Variants in MACROD2 observed in about 807,000 individuals in gnomAD.
MACROD2 encodes ADP-ribose glycohydrolase MACROD2.
A neutral mutation model predicts 70.4 loss-of-function variants in MACROD2; 36 were observed. The observed-to-expected ratio is 0.51, with a 90% confidence interval of 0.39 to 0.68. The LOEUF (loss-of-function observed/expected upper bound fraction) is 0.68, where lower values mean the gene tolerates loss of function less well. Among genes scored for constraint, MACROD2 ranks in the 30% least tolerant of loss-of-function variants. The pLI is 0.00. For synonymous variants in MACROD2, 172 were observed against 178.8 expected (o/e 0.96, Z 0.30); for missense variants, 496 against 538.4 (o/e 0.92, Z 0.78).
chr20:14,170,381 G>A (rs940953279), intron 3 of MACROD2, among the ~76,000 whole-genome samples: 7 of 152,164 alleles, frequency 4.6e-5, no homozygotes, highest in African/African-American at 1.4e-4. Flanking sequence ...CCAGTACTAT[G>A]TTGAATATAG....
intron 4 of MACROD2, among the ~76,000 whole-genome samples, chr20:14,609,813 T>C (rs1222353014): frequency 6.6e-6 from 1 of 152,034 alleles, no homozygotes; most frequent in Admixed American, 6.6e-5. Context: ...CTGTCTGGGG[T>C]CATGGGCTGT....
intron 6 of MACROD2, among the ~76,000 whole-genome samples, chr20:15,245,234 G>T (rs764142184): frequency 2.0e-5 from 3 of 152,098 alleles, no homozygotes; most frequent in Non-Finnish European, 4.4e-5. Context: ...CAGGTTAATG[G>T]TTGATTTCTT....
At chr20:15,498,910 G>C (rs577625631) in intron 7 of MACROD2, among the ~76,000 whole-genome samples, 17 of 152,298 alleles carry the variant, frequency 1.1e-4, no homozygotes, top group African/African-American at 4.1e-4. Flanking sequence ...AAGGTGATGG[G>C]ATTTGGTGAT....
At chr20:15,892,657 A>G (rs1253920478) in intron 10 of MACROD2, among the ~76,000 whole-genome samples, 5 of 152,232 alleles carry the variant, frequency 3.3e-5, no homozygotes, top group African/African-American at 4.8e-5. Context: ...CTAAATTTAT[A>G]AAAGCACATG....
intron 3 of MACROD2, among the ~76,000 whole-genome samples, chr20:14,122,650 A>C (rs898416092): frequency 2.0e-5 from 3 of 152,170 alleles, no homozygotes; most frequent in African/African-American, 7.2e-5. Flanking sequence ...CGAATATTTG[A>C]AAATTACCTT....
chr20:14,348,394 GAA>G (rs1474339755), intron 3 of MACROD2, among the ~76,000 whole-genome samples: 18 of 152,174 alleles, frequency 1.2e-4, no homozygotes, highest in African/African-American at 4.3e-4. Context: ...GAATGTACAT[GAA>G]AGAAAATATC....
intron 8 of MACROD2, among the ~76,000 whole-genome samples, chr20:15,612,455 A>G (rs1371979001): frequency 6.6e-6 from 1 of 152,214 alleles, no homozygotes; most frequent in Non-Finnish European, 1.5e-5. Flanking sequence ...CTGCAAAATC[A>G]TGGGCGATTG....
At chr20:15,170,085 A>G (rs530368646) in intron 5 of MACROD2, among the ~76,000 whole-genome samples, 2 of 152,360 alleles carry the variant, frequency 1.3e-5, no homozygotes, top group Admixed American at 1.3e-4. Context: ...TAGAATTGGA[A>G]GTACAGTTAA....
intron 7 of MACROD2, among the ~76,000 whole-genome samples, chr20:15,458,335 A>G (rs555516427): frequency 1.1e-4 from 16 of 152,134 alleles, no homozygotes; most frequent in Admixed American, 3.9e-4. Context: ...TAATAGTGAG[A>G]TCACAGCCTC....
chr20:15,321,627 G>C lies in MACROD2; in HGVS notation c.540+91566G>C, dbSNP rs953129338. On this transcript the variant is annotated intron_variant, in intron 6 of 17. Transcript: ENST00000684519. ...GTTAATCAGACTAATTGCTAATTAG[G>C]TGTCCTCCTTGATTCTATTAGTTAT... Among the ~76,000 whole-genome samples, 4 of 144,388 alleles carry C rather than the reference G, an allele frequency of 2.8e-5. 1 individual carries two copies. In the East Asian group the frequency reaches 8.0e-4, roughly 29 times the overall value. The allele number at this position is 144,388 out of a possible 152,430, so 94.7% of individuals were successfully genotyped here. A position where few individuals can be genotyped will look rare whatever the true frequency, so the allele number is the denominator to read the frequency against.
chr20:14,318,425 C>G (rs1601468552), intron 3 of MACROD2, among the ~76,000 whole-genome samples: 1 of 152,096 alleles, frequency 6.6e-6, no homozygotes, highest in East Asian at 1.9e-4. Context: ...AGCCATATAA[C>G]ATAAAAATGA....
At chr20:15,467,286 C>A (rs113487402) in intron 7 of MACROD2, among the ~76,000 whole-genome samples, 302 of 152,328 alleles carry the variant, frequency 2.0e-3, no homozygotes, top group African/African-American at 6.9e-3. Context: ...CCAAAGTTTC[C>A]CAGTGGGCTG....
chr20:14,646,024 CTT>C (rs952130646), intron 4 of MACROD2, among the ~76,000 whole-genome samples: 265 of 149,968 alleles, frequency 1.8e-3, no homozygotes, highest in African/African-American at 6.0e-3. Flanking sequence ...TAAGAAATAA[CTT>C]ATATATTAAA....
At chr20:14,102,597 A>G (rs2054315449) in intron 3 of MACROD2, among the ~76,000 whole-genome samples, 1 of 152,166 alleles carries the variant, frequency 6.6e-6, no homozygotes, top group Non-Finnish European at 1.5e-5. Flanking sequence ...AAGGGGAAAA[A>G]ATGACTGCAC....
intron 8 of MACROD2, among the ~76,000 whole-genome samples, chr20:15,569,179 C>T (rs1040636443): frequency 2.6e-5 from 4 of 152,086 alleles, no homozygotes; most frequent in Admixed American, 6.6e-5. Context: ...TAAGTTTCCA[C>T]GGTGTATGGG....
intron 5 of MACROD2, among the ~76,000 whole-genome samples, chr20:14,818,832 T>G (rs1276475965): frequency 8.1e-6 from 1 of 123,360 alleles, no homozygotes. Flanking sequence ...TAGGTTTTTT[T>G]TTTTTTTTTT....
chr20:15,628,124 G>A (rs529371189), intron 8 of MACROD2, among the ~76,000 whole-genome samples: 89 of 152,222 alleles, frequency 5.8e-4, no homozygotes, highest in Admixed American at 8.5e-4. Context: ...GGAGATGGTA[G>A]GGAAATAACC....
chr20:14,363,199 T>G (rs1196283647), intron 3 of MACROD2, among the ~76,000 whole-genome samples: 1 of 152,168 alleles, frequency 6.6e-6, no homozygotes, highest in Non-Finnish European at 1.5e-5. Flanking sequence ...CCTCCTTTTA[T>G]TATCTGTAAA....
At chr20:14,166,612 G>A (rs2055273474) in intron 3 of MACROD2, among the ~76,000 whole-genome samples, 1 of 152,104 alleles carries the variant, frequency 6.6e-6, no homozygotes, top group Admixed American at 6.5e-5. Flanking sequence ...AGACAGTCCA[G>A]GTTCAGCATG....
Sources: gnomAD v4.1 joint callset for allele counts (sites outside exome capture counted in the v4.1 genomes callset) on GRCh38, gnomAD v4.1.1 for gene constraint, MANE v1.5 for transcripts, NCBI Gene and HGNC (gene_info 2026-07-23, HGNC 2026-07-21) for gene names.